The following IL6ST variants were observed in gnomAD, a reference collection of about 807,000 sequenced individuals.
IL6ST encodes interleukin-6 receptor subunit beta.
A neutral mutation model predicts 91.3 loss-of-function variants in IL6ST; 24 were observed. That is an observed-to-expected ratio of 0.26 (90% CI 0.19 to 0.37). The LOEUF (loss-of-function observed/expected upper bound fraction) is 0.37. Among genes scored for constraint, IL6ST ranks in the 10% least tolerant of loss-of-function variants. The pLI is 1.00. For synonymous variants in IL6ST, 351 were observed against 373.6 expected, an observed-to-expected ratio of 0.94 and a Z score of 0.70; for missense variants, 914 against 1,078.5, an observed-to-expected ratio of 0.85 and a Z score of 2.14.
rs776416568 is a variant in IL6ST at position 55,941,464 on chromosome 5, C to T, written c.2375G>A (p.Arg792Gln). Residue 792 changes from arginine (R) to glutamine (Q), a missense_variant, in exon 17 of 17, where the codon CGG becomes CAG. Coordinates refer to ENST00000381298, the MANE Select transcript of IL6ST (RefSeq NM_002184.4). ...ATCTACTAATTGTAGATCTTCTGGC[C>T]GCTCCTCTGAATCTAACAAGGGCTG... ...STQPLLDSEE[R>Q]PEDLQLVDHV... 30 of 1,613,960 alleles carry T rather than the reference C, an allele frequency of 1.9e-5. No individual in the cohort carries two copies. Among genetic ancestry groups the T allele is most frequent in the Non-Finnish European group, 2.4e-5 (28 of 1,180,010 alleles).
chr5:55,971,810 G>T (rs1272304370), intron 3 of IL6ST, among the ~76,000 whole-genome samples: 1 of 152,138 alleles, frequency 6.6e-6, no homozygotes, highest in African/African-American at 2.4e-5. Flanking sequence ...AGTTTTTGCA[G>T]TCAAAATTGT....
rs1453764276 is a variant in IL6ST at position 55,937,779 on chromosome 5, TTGTTA to T, written c.*3298_*3302del. The T allele has an allele frequency of 5.2e-6, 1 of 192,472 alleles. No individual in the cohort carries two copies. The highest frequency in any genetic ancestry group is 8.3e-5 in the East Asian group (1 of 12,094). 11.9% of individuals were successfully genotyped at this position (192,472 alleles called of 1,614,324 possible). A position where few individuals can be genotyped will look rare whatever the true frequency, so the allele number is the denominator to read the frequency against. ...CTTTTGTCTTATGCAGCTTATAACTTTGTTATTTTATTCATCTCAACAAAATAAAA... is the reference window on the plus strand; with the variant it reads ...CTTTTGTCTTATGCAGCTTATAACTTTTTTATTCATCTCAACAAAATAAAA... On this transcript the variant is annotated 3_prime_UTR_variant, in exon 17 of 17. Transcript: ENST00000381298.
chr5:55,989,281 T>C (rs1403004216), intron 1 of IL6ST, among the ~76,000 whole-genome samples: 1 of 152,070 alleles, frequency 6.6e-6, no homozygotes, highest in Admixed American at 6.5e-5. Flanking sequence ...TAGTATCTGA[T>C]TTTTTAAAAG....
At chr5:55,985,786 T>A (rs1434582631) in intron 1 of IL6ST, among the ~76,000 whole-genome samples, 2 of 152,230 alleles carry the variant, frequency 1.3e-5, no homozygotes, top group African/African-American at 4.8e-5. Flanking sequence ...CTACTCTCAA[T>A]TCCAGGGTGG....
intron 4 of IL6ST, among the ~76,000 whole-genome samples, chr5:55,968,919 C>T (rs1215623438): frequency 1.3e-5 from 2 of 152,208 alleles, no homozygotes; most frequent in African/African-American, 2.4e-5. Context: ...CAAGGCCAGG[C>T]ACAGTGGCTC....
In IL6ST at chr5:55,976,165, T is replaced by C. The variant is rs753325450; in HGVS notation, c.64+50A>G. 8.2e-6 allele frequency: 7 copies of C among 848,636 alleles called. No individual in the cohort carries two copies. The Admixed American group carries it at 9.7e-5, about 12-fold the overall frequency. 52.6% of individuals were successfully genotyped at this position (848,636 alleles called of 1,614,324 possible). A position where few individuals can be genotyped will look rare whatever the true frequency, so the allele number is the denominator to read the frequency against. On this transcript the variant is annotated intron_variant, in intron 3 of 16. Transcript: ENST00000381298. ...TTAATTATATAATAATATAAAAATA[T>C]ATAAACCTAATTTGTGAAGTTAGAA...
At chr5:55,978,236 T>C (rs1247998294) in intron 2 of IL6ST, 2 of 152,280 alleles carry the variant, frequency 1.3e-5, no homozygotes, top group East Asian at 1.9e-4. Context: ...TCACAGGGCA[T>C]TGTGAAGTCA....
chr5:55,975,034 G>C (rs1270289272), intron 3 of IL6ST, among the ~76,000 whole-genome samples: 3 of 151,896 alleles, frequency 2.0e-5, no homozygotes, highest in Admixed American at 6.6e-5. Flanking sequence ...ACCCAGGATA[G>C]AGTGCAATGG....
chr5:55,988,321 G>C (rs1310279636), intron 1 of IL6ST, among the ~76,000 whole-genome samples: 3 of 152,090 alleles, frequency 2.0e-5, no homozygotes, highest in African/African-American at 7.2e-5. Flanking sequence ...AATAAATTGT[G>C]AATGATATGA....
intron 7 of IL6ST, among the ~76,000 whole-genome samples, chr5:55,962,286 A>G (rs1429024476): frequency 1.3e-5 from 2 of 152,212 alleles, no homozygotes; most frequent in African/African-American, 4.8e-5. Flanking sequence ...GGAGAGAAGT[A>G]GTAAAGTCAT....
chr5:55,940,958 G>A lies in IL6ST; in HGVS notation c.*124C>T, dbSNP rs1420552868. 11 of 933,800 alleles carry A rather than the reference G, an allele frequency of 1.2e-5. No individual in the cohort carries two copies. Among genetic ancestry groups the A allele is most frequent in the Middle Eastern group, 6.8e-4 (2 of 2,922 alleles). 57.8% of individuals were successfully genotyped at this position (933,800 alleles called of 1,614,324 possible). A position where few individuals can be genotyped will look rare whatever the true frequency, so the allele number is the denominator to read the frequency against. Reference sequence around the variant, plus strand: ...TCATGTGAAACTTCAGTTCATTTTTGTCCTTAAGGGCAAATGATCATCTTC... The same window carrying A: ...TCATGTGAAACTTCAGTTCATTTTTATCCTTAAGGGCAAATGATCATCTTC... On this transcript the variant is annotated 3_prime_UTR_variant, in exon 17 of 17. Transcript: ENST00000381298.
rs968321899 is a variant in IL6ST, at chr5:55,977,048, G to C, written c.-15-755C>G. ...AGCTTCATTCATAAGTCCCAAACTG[G>C]AAACAATCCAAATGTCCACCAACTG... On this transcript the variant is annotated intron_variant, in intron 2 of 16. Transcript: ENST00000381298. Among the ~76,000 whole-genome samples the C allele has an allele frequency of 2.0e-5, 3 of 151,670 alleles. No individual in the cohort carries two copies. The East Asian group carries it at 5.8e-4, about 29-fold the overall frequency.
chr5:55,960,341 C>A, intron 8 of IL6ST, 61 bp downstream of exon 8: 1 of 1,344,734 alleles, frequency 7.4e-7, no homozygotes, highest in Non-Finnish European at 1.0e-6. Context: ...TTATTAAAAC[C>A]AGAACCAGTT....
chr5:55,952,562 T>C (rs1751701653), intron 11 of IL6ST, among the ~76,000 whole-genome samples: 1 of 152,134 alleles, frequency 6.6e-6, no homozygotes, highest in Non-Finnish European at 1.5e-5. Flanking sequence ...GGATAAAAAA[T>C]ACATTGTTAA....
intron 15 of IL6ST, among the ~76,000 whole-genome samples, chr5:55,943,723 G>A (rs1014923210): frequency 6.6e-6 from 1 of 152,210 alleles, no homozygotes. Flanking sequence ...TTGCTAGCAA[G>A]GCAAAACAGA....
chr5:55,960,653 A>C lies in IL6ST; in HGVS notation c.814-92T>G, dbSNP rs890734055. The C allele has an allele frequency of 8.1e-6, 10 of 1,230,270 alleles. No individual in the cohort carries two copies. The African/African-American group carries it at 1.4e-4, about 17-fold the overall frequency. 76.2% of individuals were successfully genotyped at this position (1,230,270 alleles called of 1,614,324 possible). A position where few individuals can be genotyped will look rare whatever the true frequency, so the allele number is the denominator to read the frequency against. On this transcript the variant is annotated intron_variant, in intron 7 of 16. Transcript: ENST00000381298. ...TCAGAAACTTTTTTTTTTGAGGCAC[A>C]GCCTTGCTCTGTTGCCCAGGTTGGA...
At chr5:55,959,877 A>T (rs142749366) in intron 8 of IL6ST, among the ~76,000 whole-genome samples, 33 of 151,680 alleles carry the variant, frequency 2.2e-4, no homozygotes, top group African/African-American at 8.0e-4. Context: ...CTAAGTCACC[A>T]TTCCATGATG....
Position 55,936,350 on chromosome 5 carries a change from T to TG in IL6ST, c.*4731_*4732insC, listed in dbSNP as rs1580767867. ...CTTGACAACCAAGTAGGTTTTTTTT[T>TG]TTTTTTTTTTTTTTAATGTCCACTA... On this transcript the variant is annotated 3_prime_UTR_variant, in exon 17 of 17. Coordinates refer to ENST00000381298, the MANE Select transcript of IL6ST (RefSeq NM_002184.4). The TG allele has an allele frequency of 9.5e-6, 2 of 211,494 alleles. No individual in the cohort carries two copies. Among genetic ancestry groups the TG allele is most frequent in the East Asian group, 1.3e-4 (2 of 15,384 alleles). 13.1% of individuals were successfully genotyped at this position (211,494 alleles called of 1,614,324 possible).
Position 55,947,592 on chromosome 5 carries a change from TAAAAAAAAAAAAAA to T in IL6ST, c.1841-17_1841-4del. On this transcript the variant is annotated splice_polypyrimidine_tract_variant and splice_region_variant and intron_variant, in intron 14 of 16. Transcript: ENST00000381298. Reference sequence around the variant, plus strand: ...TATGGCTTCAATTTCTCCTTGAGCTTAAAAAAAAAAAAAAAAAAAAAAAAAGAGGTGTGATGGGA... The same window carrying T: ...TATGGCTTCAATTTCTCCTTGAGCTTAAAAAAAAAAAGAGGTGTGATGGGA... 5.1e-6 allele frequency: 2 copies of T among 390,984 alleles called. No homozygotes were observed. The highest frequency in any genetic ancestry group is 5.6e-5 in the Admixed American group (1 of 17,936). The allele number at this position is 390,984 out of a possible 1,614,324, so 24.2% of individuals were successfully genotyped here.
Sources: allele counts gnomAD v4.1 joint callset (sites outside exome capture counted in the v4.1 genomes callset), GRCh38; gene constraint gnomAD v4.1.1; transcripts MANE v1.5; gene names NCBI Gene and HGNC (gene_info 2026-07-23, HGNC 2026-07-21).